USP25: variants seen among roughly 807,000 people sequenced by gnomAD.
USP25 encodes ubiquitin specific peptidase 25, also known as ubiquitin carboxyl-terminal hydrolase 25.
A neutral mutation model predicts 158.5 loss-of-function variants in USP25; 85 were observed. That is an observed-to-expected ratio of 0.54 (90% confidence interval 0.45 to 0.64). The LOEUF (loss-of-function observed/expected upper bound fraction) is 0.64, where lower values mean the gene tolerates loss of function less well. USP25 is among the 30% of genes least tolerant of loss of function. USP25 has a pLI of 0.00. For synonymous variants in USP25, 464 were observed against 460.4 expected (o/e 1.01, Z -0.10); for missense variants, 1,242 against 1,327.3 (o/e 0.94, Z 1.00).
At chr21:15,771,389 T>C (rs770510510) in intron 3 of USP25, among the ~76,000 whole-genome samples, 1 of 151,924 alleles carries the variant, frequency 6.6e-6, no homozygotes, top group Non-Finnish European at 1.5e-5. Flanking sequence ...TAGGATAATA[T>C]GTGATTTTAG....
At chr21:15,847,315 A>C (rs567939962) in intron 18 of USP25, among the ~76,000 whole-genome samples, 2 of 152,202 alleles carry the variant, frequency 1.3e-5, no homozygotes, top group South Asian at 4.1e-4. Context: ...AAGTACTTAA[A>C]GTTCTAAATA....
intron 25 of USP25, 63 bp downstream of exon 25, chr21:15,878,054 T>C (rs1196190117): frequency 1.5e-6 from 2 of 1,345,112 alleles, no homozygotes; most frequent in African/African-American, 3.0e-5. Flanking sequence ...TAGAATTAGA[T>C]GTTATTTATT....
intron 23 of USP25, among the ~76,000 whole-genome samples, chr21:15,872,194 TGAAATCATGGTTGCAA>T (rs1401594133): frequency 1.3e-5 from 2 of 152,028 alleles, no homozygotes; most frequent in Non-Finnish European, 2.9e-5. Flanking sequence ...AACAGTGAAG[TGAAATCATGGTTGCAA>T]GAACCATAAT....
Position 15,827,204 on chromosome 21 carries a change from G to A in USP25, c.1693+1G>A, listed in dbSNP as rs773001186. ...ACAGAAATAGAAAATGACACCAGAG[G>A]TAAGAAGTGTCTCATAGCATGGTTA... is the stretch of plus-strand genomic sequence containing the variant. On this transcript the variant is annotated splice_donor_variant, in intron 14 of 25. Transcript: ENST00000400183. LOFTEE classifies it high-confidence loss of function. The A allele has an allele frequency of 6.2e-7, 1 of 1,612,498 alleles. No homozygotes were observed. The highest frequency in any genetic ancestry group is 1.1e-5 in the South Asian group (1 of 91,006).
At chr21:15,778,235 G>A (rs1360143715) in intron 4 of USP25, among the ~76,000 whole-genome samples, 1 of 151,976 alleles carries the variant, frequency 6.6e-6, no homozygotes, top group Admixed American at 6.6e-5. Context: ...TTTTGGGATG[G>A]TGTTATGAGG....
chr21:15,826,534 A>T lies in USP25; in HGVS notation c.1466+169A>T, dbSNP rs952283901. Among the ~76,000 whole-genome samples the T allele has an allele frequency of 6.6e-6, 1 of 152,072 alleles. No individual in the cohort carries two copies. The highest frequency in any genetic ancestry group is 1.5e-5 in the Non-Finnish European group (1 of 68,002). Reference sequence around the variant, plus strand: ...TATGTCCTCTGGGAGTTTTTTTATTATTTCAGTAGATTTTATGGTTATGGA... The same window carrying T: ...TATGTCCTCTGGGAGTTTTTTTATTTTTTCAGTAGATTTTATGGTTATGGA... On this transcript the variant is annotated intron_variant, in intron 13 of 25. Coordinates refer to ENST00000400183, the MANE Select transcript of USP25 (RefSeq NM_001283041.3). This position sits in a 1 kb window ranked among gnomAD's most constrained non-coding sequence, Gnocchi z 4.8.
chr21:15,877,081 A>G (rs992084162), intron 24 of USP25: 21 of 152,190 alleles, frequency 1.4e-4, no homozygotes, highest in African/African-American at 4.8e-4. Flanking sequence ...ATAGCCATGC[A>G]CATTCATTTA....
At chr21:15,855,006 C>T (rs1388555595) in intron 20 of USP25, among the ~76,000 whole-genome samples, 1 of 152,050 alleles carries the variant, frequency 6.6e-6, no homozygotes, top group African/African-American at 2.4e-5. Context: ...TACAAAGTTA[C>T]TATGATAAGC....
At chr21:15,849,674 A>G in intron 19 of USP25, 103 bp from the exon 20 acceptor site, 1 of 904,886 alleles carries the variant, frequency 1.1e-6, no homozygotes, top group South Asian at 2.0e-5. Flanking sequence ...AAAGTGCAAC[A>G]TTTGATTTAT....
chr21:15,815,307 G>A (rs912111609), intron 9 of USP25, among the ~76,000 whole-genome samples: 7 of 152,314 alleles, frequency 4.6e-5, no homozygotes, highest in Admixed American at 1.3e-4. Flanking sequence ...AGGGCAGTAC[G>A]GAAGAGAAAT....
At chr21:15,805,850 CA>C (rs1193385081) in intron 7 of USP25, among the ~76,000 whole-genome samples, 2 of 152,040 alleles carry the variant, frequency 1.3e-5, no homozygotes, top group Admixed American at 1.3e-4. Context: ...AGTAAGTGTT[CA>C]AAAAGATAGC....
At chr21:15,737,519 A>G (rs2031636031) in intron 1 of USP25, among the ~76,000 whole-genome samples, 1 of 152,094 alleles carries the variant, frequency 6.6e-6, no homozygotes, top group South Asian at 2.1e-4. Context: ...TGAGTGTATC[A>G]TCTTGAATCC....
rs752977892 is a variant in USP25 at position 15,826,348 on chromosome 21, A to G, written c.1449A>G (p.Pro483=). 37 of 1,613,968 alleles carry G rather than the reference A, an allele frequency of 2.3e-5. No homozygotes were observed. Among genetic ancestry groups the G allele is most frequent in the Admixed American group, 1.7e-4 (10 of 60,018 alleles). The part of the protein sequence containing the change: ...DASSPPSGSI[P]SQTLPSTTEQ... ...GTTCCCCACCTAGTGGTTCCATACC[A>G]TCACAGACATTACCAAGGTAAAAAG... The change falls in exon 13 of 26, where the codon CCA becomes CCG. Residue 483 remains proline, a synonymous_variant. Transcript: ENST00000400183. The surrounding 1 kb of genome is among the most constrained non-coding windows in gnomAD (Gnocchi z 4.8).
rs2037489058 is a variant in USP25, at chr21:15,826,125, T to A, written c.1305-79T>A. 2 of 1,414,488 alleles carry A rather than the reference T, an allele frequency of 1.4e-6. No individual in the cohort carries two copies. Among genetic ancestry groups the A allele is most frequent in the Non-Finnish European group, 1.9e-6 (2 of 1,040,972 alleles). 87.6% of individuals were successfully genotyped at this position (1,414,488 alleles called of 1,614,324 possible). A position where few individuals can be genotyped will look rare whatever the true frequency, so the allele number is the denominator to read the frequency against. ...GAGGAAGTTTTATTGAAGTATCGTA[T>A]CACGTTTTATAATAATAATAAAGGC... On this transcript the variant is annotated intron_variant, in intron 12 of 25. Coordinates refer to ENST00000400183, the MANE Select transcript of USP25 (RefSeq NM_001283041.3). This position sits in a 1 kb window ranked among gnomAD's most constrained non-coding sequence, Gnocchi z 4.8.
chr21:15,790,829 A>G (rs1239880102), intron 4 of USP25, among the ~76,000 whole-genome samples: 1 of 151,930 alleles, frequency 6.6e-6, no homozygotes, highest in Admixed American at 6.6e-5. Flanking sequence ...CCATGTTTAG[A>G]TATACTTAAG....
intron 4 of USP25, among the ~76,000 whole-genome samples, chr21:15,785,344 A>G (rs2035210707): frequency 6.6e-6 from 1 of 152,228 alleles, no homozygotes; most frequent in South Asian, 2.1e-4. Context: ...CAAATGATTT[A>G]GAAACATGAG....
intron 8 of USP25, 52 bp downstream of exon 8, chr21:15,808,937 A>G (rs772166769): frequency 6.9e-5 from 85 of 1,228,190 alleles, no homozygotes; most frequent in Non-Finnish European, 9.1e-5. Flanking sequence ...ATTAGATAGC[A>G]TGTATTAAAT....
At chr21:15,825,215 C>G (rs1314283113) in intron 12 of USP25, among the ~76,000 whole-genome samples, 154 bp downstream of exon 12, 1 of 152,058 alleles carries the variant, frequency 6.6e-6, no homozygotes, top group Non-Finnish European at 1.5e-5. Flanking sequence ...AACTAAAAAT[C>G]TATAGTAGAC....
chr21:15,835,389 CCTAT>C (rs1466954642), intron 17 of USP25, among the ~76,000 whole-genome samples: 4 of 152,238 alleles, frequency 2.6e-5, no homozygotes, highest in Admixed American at 6.5e-5. Flanking sequence ...AACTAATATT[CCTAT>C]CTATTAAGGA....
Sources: allele counts gnomAD v4.1 joint callset (sites outside exome capture counted in the v4.1 genomes callset), GRCh38; gene constraint gnomAD v4.1.1; non-coding constraint Gnocchi (gnomAD v3.1); transcripts MANE v1.5; gene names NCBI Gene and HGNC (gene_info 2026-07-23, HGNC 2026-07-21).